TNFAIP3: variants seen among roughly 807,000 people sequenced by gnomAD.
The protein encoded by TNFAIP3 is TNF alpha induced protein 3.
A neutral mutation model predicts 72.4 loss-of-function variants in TNFAIP3; 9 were observed. The ratio of observed to expected loss-of-function variants is 0.12; its 90% CI spans 0.07 to 0.22. TNFAIP3 has a LOEUF of 0.22. Among genes scored for constraint, TNFAIP3 ranks in the 10% least tolerant of loss-of-function variants. TNFAIP3 has a pLI of 1.00. For synonymous variants in TNFAIP3, 339 were observed against 372.6 expected, an observed-to-expected ratio of 0.91 and a Z score of 1.04; for missense variants, 833 against 1,018.7, an observed-to-expected ratio of 0.82 and a Z score of 2.48.
Position 137,875,670 on chromosome 6 carries a change from T to G in TNFAIP3, c.487-18T>G. On this transcript the variant is annotated intron_variant, in intron 3 of 8. Coordinates refer to ENST00000612899, the MANE Select transcript of TNFAIP3 (RefSeq NM_001270508.2). ...TACAGGATACATTCAAGCTTTTTTT[T>G]CACCCCGCTCCCCTTAGAACTGGAA... 6.2e-7 allele frequency: 1 copy of G among 1,613,636 alleles called. No homozygotes were observed. Among genetic ancestry groups the G allele is most frequent in the Non-Finnish European group, 8.5e-7 (1 of 1,179,778 alleles).
intron 1 of TNFAIP3, among the ~76,000 whole-genome samples, chr6:137,868,770 A>G (rs892002908): frequency 2.0e-5 from 3 of 152,130 alleles, no homozygotes; most frequent in South Asian, 2.1e-4. Flanking sequence ...TTTGTTCTTT[A>G]ATCTTAAGCG....
At chr6:137,873,183 G>T (rs1239025927) in intron 2 of TNFAIP3, among the ~76,000 whole-genome samples, 1 of 151,994 alleles carries the variant, frequency 6.6e-6, no homozygotes, top group Non-Finnish European at 1.5e-5. Flanking sequence ...ATTTAGGGAG[G>T]GAGGAAAACA....
At position 137,867,774 on chromosome 6, in the gene TNFAIP3, TC is replaced by T. The variant is rs1016002405; in HGVS notation, c.-16+234del. 6 of 152,448 alleles carry T rather than the reference TC, an allele frequency of 3.9e-5. No individual in the cohort carries two copies. Among genetic ancestry groups the T allele is most frequent in the Non-Finnish European group, 8.8e-5 (6 of 68,066 alleles). 9.4% of individuals were successfully genotyped at this position (152,448 alleles called of 1,614,324 possible). A position where few individuals can be genotyped will look rare whatever the true frequency, so the allele number is the denominator to read the frequency against. On this transcript the variant is annotated intron_variant, in intron 1 of 8. Coordinates refer to ENST00000612899, the MANE Select transcript of TNFAIP3 (RefSeq NM_001270508.2). This position sits in a 1 kb window ranked among gnomAD's most constrained non-coding sequence, Gnocchi z 6.0. The stretch of plus-strand genomic sequence containing the variant: ...GCCCTGGATACCTCCAGCCAGCTGT[TC>T]CTTTCAGATAATGCACGGAACTTAA...
intron 8 of TNFAIP3, among the ~76,000 whole-genome samples, chr6:137,880,594 C>T (rs1562274320): frequency 6.6e-6 from 1 of 152,156 alleles, no homozygotes; most frequent in Non-Finnish European, 1.5e-5. Flanking sequence ...AAAAAGCAGC[C>T]CTTCTTAAAT....
intron 2 of TNFAIP3, among the ~76,000 whole-genome samples, chr6:137,873,498 A>G (rs1050041257): frequency 6.6e-6 from 1 of 152,244 alleles, no homozygotes; most frequent in African/African-American, 2.4e-5. Context: ...TTAAATGTCT[A>G]CACACCAGAA....
In TNFAIP3 at chr6:137,877,244, T is replaced by C. The variant is rs1776281313; in HGVS notation, c.974T>C (p.Ile325Thr). ...QGWDHGTTHL[I>T]NAAKLDEANL... ...TGGGACCATGGCACAACTCATCTCA[T>C]CAATGCCGCAAAGTAAGCAGTTTAT... Residue 325 changes from isoleucine (I) to threonine (T), a missense_variant, in exon 6 of 9, where the codon ATC becomes ACC. By Grantham distance (89) the Ile-to-Thr change is moderately conservative (BLOSUM62 -1). Coordinates refer to ENST00000612899, the MANE Select transcript of TNFAIP3 (RefSeq NM_001270508.2). 6.2e-7 allele frequency: 1 copy of C among 1,608,454 alleles called. No homozygotes were observed. The highest frequency in any genetic ancestry group is 1.7e-5 in the Admixed American group (1 of 58,772).
At chr6:137,874,036 G>A (rs1453199169) in intron 2 of TNFAIP3, among the ~76,000 whole-genome samples, 1 of 152,112 alleles carries the variant, frequency 6.6e-6, no homozygotes, top group Non-Finnish European at 1.5e-5. Context: ...GCAGCCCATT[G>A]AATTGTGAGT....
intron 2 of TNFAIP3, among the ~76,000 whole-genome samples, chr6:137,874,565 C>T (rs536468973): frequency 6.6e-6 from 1 of 152,296 alleles, no homozygotes; most frequent in Admixed American, 6.5e-5. Flanking sequence ...CTCCAGGTCA[C>T]CTAAACTAGT....
At chr6:137,874,429 G>C (rs1198686204) in intron 2 of TNFAIP3, among the ~76,000 whole-genome samples, 2 of 152,194 alleles carry the variant, frequency 1.3e-5, no homozygotes, top group African/African-American at 2.4e-5. Context: ...TAGAACTAGA[G>C]AGCAGCAATG....
At position 137,877,109 on chromosome 6, in the gene TNFAIP3, G is replaced by A. The variant is rs200840068; in HGVS notation, c.839G>A (p.Arg280Gln). The part of the protein sequence containing the change: ...IRAVPLVNRD[R>Q]GRFEDLKVHF... ...GCTGTTCCACTTGTTAACAGAGACC[G>A]GGGAAGATTTGAAGACTTAAAAGTT... The change falls in exon 6 of 9, where the codon CGG becomes CAG. Residue 280 changes from arginine to glutamine, a missense_variant. By Grantham distance (43) the Arg-to-Gln change is conservative. Transcript: ENST00000612899. 300 of 1,611,536 alleles carry A rather than the reference G, an allele frequency of 1.9e-4. No homozygotes were observed. The highest frequency in any genetic ancestry group is 3.3e-4 in the Middle Eastern group (2 of 6,064).
chr6:137,876,186 T>A lies in TNFAIP3; in HGVS notation c.805+20T>A. The A allele has an allele frequency of 6.2e-7, 1 of 1,600,448 alleles. No individual in the cohort carries two copies. Among genetic ancestry groups the A allele is most frequent in the Non-Finnish European group, 8.5e-7 (1 of 1,172,242 alleles). ...GGCCTGGTGAGAAAACTGCATTAATTCACATCTATAACTAGACACTGAAAC... is the reference window on the plus strand; with the variant it reads ...GGCCTGGTGAGAAAACTGCATTAATACACATCTATAACTAGACACTGAAAC... On this transcript the variant is annotated intron_variant, in intron 5 of 8. Transcript: ENST00000612899.
intron 5 of TNFAIP3, 29 bp downstream of exon 5, chr6:137,876,195 T>C: frequency 6.4e-7 from 1 of 1,565,220 alleles, no homozygotes; most frequent in Admixed American, 1.8e-5. Context: ...TTCACATCTA[T>C]AACTAGACAC....
At chr6:137,870,611 C>T (rs1479525982) in intron 1 of TNFAIP3, among the ~76,000 whole-genome samples, 1 of 152,194 alleles carries the variant, frequency 6.6e-6, no homozygotes, top group Non-Finnish European at 1.5e-5. Context: ...AAATACTTCT[C>T]TTTGGGGCTA....
At position 137,879,319 on chromosome 6, in the gene TNFAIP3, C is replaced by T. The variant is rs1776367463; in HGVS notation, c.1874C>T (p.Thr625Ile). The T allele has an allele frequency of 1.2e-6, 2 of 1,614,096 alleles. No individual in the cohort carries two copies. The highest frequency in any genetic ancestry group is 1.3e-5 in the African/African-American group (1 of 75,050). ...FGTPENKGFCTLCFIEYRENK... is the reference protein window; with the variant it reads ...FGTPENKGFCILCFIEYRENK... ...ACTCCAGAAAACAAGGGCTTTTGCA[C>T]ACTGTGTTTCATCGAGTACAGAGAA... The change falls in exon 7 of 9, where the codon ACA becomes ATA. Residue 625 changes from threonine (T) to isoleucine (I), a missense_variant. This residue lies in a region of TNFAIP3 where 587 missense variants were observed against 657.8 expected (regional missense o/e 0.89). Coordinates refer to ENST00000612899, the MANE Select transcript of TNFAIP3 (RefSeq NM_001270508.2).
intron 2 of TNFAIP3, among the ~76,000 whole-genome samples, chr6:137,872,234 T>A (rs1226754744): frequency 2.0e-5 from 3 of 152,250 alleles, no homozygotes; most frequent in Admixed American, 6.5e-5. Context: ...TTTACTGTTT[T>A]GTTTTTTAAT....
intron 2 of TNFAIP3, among the ~76,000 whole-genome samples, 200 bp from the exon 3 acceptor site, chr6:137,874,645 A>T (rs1776174244): frequency 6.6e-6 from 1 of 152,236 alleles, no homozygotes; most frequent in South Asian, 2.1e-4. Flanking sequence ...ATTAAAAAGA[A>T]GAATAAAAAG....
chr6:137,878,986 G>A lies in TNFAIP3; in HGVS notation c.1541G>A (p.Arg514Lys), dbSNP rs1377658242. Residue 514 changes from arginine (R) to lysine (K), a missense_variant, in exon 7 of 9, where the codon AGG (arginine) becomes AAG (lysine). Physicochemically the swap from Arg to Lys is conservative, Grantham distance 26. This residue lies in a region of TNFAIP3 where 587 missense variants were observed against 657.8 expected (regional missense o/e 0.89). Coordinates refer to ENST00000612899, the MANE Select transcript of TNFAIP3 (RefSeq NM_001270508.2). ...LHASHAPDHTRHLDPGKCQAC... is the reference protein window; with the variant it reads ...LHASHAPDHTKHLDPGKCQAC... ...GCCAGCCACGCCCCAGACCACACAA[G>A]GCACTTGGATCCCGGGAAGTGCCAA... The A allele has an allele frequency of 6.2e-7, 1 of 1,614,220 alleles. No individual in the cohort carries two copies. Among genetic ancestry groups the A allele is most frequent in the Middle Eastern group, 1.6e-4 (1 of 6,062 alleles).
chr6:137,872,554 T>C (rs1397573329), intron 2 of TNFAIP3, among the ~76,000 whole-genome samples: 1 of 152,202 alleles, frequency 6.6e-6, no homozygotes, highest in African/African-American at 2.4e-5. Context: ...TTTGGCTTTT[T>C]TTGACTTGGG....
chr6:137,879,335 G>A lies in TNFAIP3; in HGVS notation c.1890G>A (p.Glu630=), dbSNP rs148802108. The change falls in exon 7 of 9, where the codon GAG becomes GAA. Residue 630 remains glutamate (E), a synonymous_variant. Coordinates refer to ENST00000612899, the MANE Select transcript of TNFAIP3 (RefSeq NM_001270508.2). ...NKGFCTLCFI[E]YRENKHFAAA... is the part of the protein sequence containing the mutation. Reference sequence around the variant, plus strand: ...GCTTTTGCACACTGTGTTTCATCGAGTACAGAGAAAACAAACGTGAGTGAA... The same window carrying A: ...GCTTTTGCACACTGTGTTTCATCGAATACAGAGAAAACAAACGTGAGTGAA... 23 of 1,611,652 alleles carry A rather than the reference G, an allele frequency of 1.4e-5. No individual in the cohort carries two copies. The African/African-American group carries it at 2.9e-4, about 21-fold the overall frequency.
Sources: gnomAD v4.1 joint callset for allele counts (sites outside exome capture counted in the v4.1 genomes callset) on GRCh38, gnomAD v4.1.1 for gene constraint, gnomAD v4.1.1 regional missense constraint, Gnocchi (gnomAD v3.1) non-coding constraint, MANE v1.5 for transcripts, NCBI Gene and HGNC (gene_info 2026-07-23, HGNC 2026-07-21) for gene names.